SREBF1: variants seen among roughly 807,000 people sequenced by gnomAD.
The protein encoded by SREBF1 is sterol regulatory element-binding protein 1.
SREBF1 carries 45 observed loss-of-function variants against 100.1 expected under a neutral mutation model. That is an observed-to-expected ratio of 0.45 (90% confidence interval 0.35 to 0.58). SREBF1 has a LOEUF of 0.58. SREBF1 is among the 20% of genes least tolerant of loss of function. SREBF1 has a pLI of 0.00. For missense variants in SREBF1, 1,324 were observed against 1,539.4 expected (o/e 0.86, Z 2.34); for synonymous variants, 657 against 681.8 (o/e 0.96, Z 0.57).
chr17:17,828,360 G>A (rs759934352), intron 1 of SREBF1, among the ~76,000 whole-genome samples: 2 of 152,202 alleles, frequency 1.3e-5, no homozygotes, highest in East Asian at 1.9e-4. Context: ...CATACTGACC[G>A]TCTGACCCTA....
chr17:17,812,262 C>T lies in SREBF1; in HGVS notation c.*360G>A, dbSNP rs911495174. 2.4e-6 allele frequency: 1 copy of T among 417,044 alleles called. No homozygotes were observed. The highest frequency in any genetic ancestry group is 4.4e-6 in the Non-Finnish European group (1 of 229,020). 25.8% of individuals were successfully genotyped at this position (417,044 alleles called of 1,614,324 possible). ...CTGGGGCAGAGCCCTGCTTGCAGTC[C>T]GGGAAAGCCAAGTTGGCTTCCGTCA... On this transcript the variant is annotated 3_prime_UTR_variant, in exon 19 of 19. Coordinates refer to ENST00000261646, the MANE Select transcript of SREBF1 (RefSeq NM_004176.5).
At position 17,812,849 on chromosome 17, in the gene SREBF1, C is replaced by T. The variant is rs1025923560; in HGVS notation, c.3217G>A (p.Ala1073Thr). 8 of 1,473,362 alleles carry T rather than the reference C, an allele frequency of 5.4e-6. No individual in the cohort carries two copies. Among genetic ancestry groups the T allele is most frequent in the Non-Finnish European group, 7.1e-6 (8 of 1,121,026 alleles). 91.3% of individuals were successfully genotyped at this position (1,473,362 alleles called of 1,614,324 possible). ...GGCCGCGGCTCCAGCTCCGCCACCGCGCCTGCGCACACGAGGATGTGTCAG... is the reference window on the plus strand; with the variant it reads ...GGCCGCGGCTCCAGCTCCGCCACCGTGCCTGCGCACACGAGGATGTGTCAG... Reference protein sequence around the residue: ...RRAGPGGKGGAVAELEPRPTR... With the variant: ...RRAGPGGKGGTVAELEPRPTR... The change falls in exon 19 of 19, where the codon GCG becomes ACG. Residue 1073 changes from alanine to threonine, a missense_variant and splice_region_variant. Transcript: ENST00000261646.
intron 16 of SREBF1, 66 bp downstream of exon 16, chr17:17,814,179 G>A: frequency 6.5e-7 from 1 of 1,527,580 alleles, no homozygotes; most frequent in Non-Finnish European, 8.8e-7. Flanking sequence ...GGGGGCTGGG[G>A]AGAGGAACCA....
chr17:17,819,505 CCCCCTCCCCAA>C (rs1214162041), intron 3 of SREBF1, 22 bp downstream of exon 3: 1 of 1,613,174 alleles, frequency 6.2e-7, no homozygotes, highest in Non-Finnish European at 8.5e-7. Context: ...GCTGGGGCTG[CCCCCTCCCCAA>C]CCCCTGGCCA....
At chr17:17,818,684 G>A (rs2033843105) in intron 5 of SREBF1, 1 of 546,590 alleles carries the variant, frequency 1.8e-6, no homozygotes. Context: ...TGCTTTCTCT[G>A]CAACGAGCCA....
intron 1 of SREBF1, among the ~76,000 whole-genome samples, chr17:17,825,210 G>C (rs968873635): frequency 1.3e-5 from 2 of 152,196 alleles, no homozygotes; most frequent in Non-Finnish European, 2.9e-5. Flanking sequence ...GGGCCACTGT[G>C]AACAGTCAAG....
intron 5 of SREBF1, 148 bp from the exon 6 acceptor site, chr17:17,818,522 T>G: frequency 1.5e-6 from 1 of 666,262 alleles, no homozygotes; most frequent in Non-Finnish European, 2.7e-6. Context: ...ACCTGAACCG[T>G]TCCTCGCCTA....
chr17:17,816,096 G>A, intron 11 of SREBF1, 68 bp from the exon 12 acceptor site: 1 of 1,505,518 alleles, frequency 6.6e-7, no homozygotes, highest in Non-Finnish European at 8.9e-7. Context: ...CCGAGTCCCA[G>A]CTTGGCCTGG....
chr17:17,820,282 G>C lies in SREBF1; in HGVS notation c.331C>G (p.Pro111Ala). 1.2e-6 allele frequency: 2 copies of C among 1,613,906 alleles called. No homozygotes were observed. Among genetic ancestry groups the C allele is most frequent in the Non-Finnish European group, 1.7e-6 (2 of 1,179,994 alleles). Reference protein sequence around the residue: ...QPAPTPLKMYPSMPAFSPGPG... With the variant: ...QPAPTPLKMYASMPAFSPGPG... Reference sequence around the variant, plus strand: ...CCAGGGGAGAAAGCGGGCATGGACGGGTACATCTTCAATGGAGTGGGTGCA... The same window carrying C: ...CCAGGGGAGAAAGCGGGCATGGACGCGTACATCTTCAATGGAGTGGGTGCA... Residue 111 changes from proline to alanine, a missense_variant, in exon 2 of 19, where the codon CCG (proline) becomes GCG (alanine). Coordinates refer to ENST00000261646, the MANE Select transcript of SREBF1 (RefSeq NM_004176.5).
intron 1 of SREBF1, chr17:17,823,678 C>T: frequency 1.7e-6 from 2 of 1,146,926 alleles, no homozygotes; most frequent in Non-Finnish European, 2.4e-6. Flanking sequence ...GCCCCGCCCC[C>T]AGCCCCGCCC....
In SREBF1 at chr17:17,817,004, A is replaced by G; in HGVS notation, c.1739T>C (p.Val580Ala). 6.2e-7 allele frequency: 1 copy of G among 1,613,082 alleles called. No individual in the cohort carries two copies. Among genetic ancestry groups the G allele is most frequent in the South Asian group, 1.1e-5 (1 of 91,086 alleles). Reference sequence around the variant, plus strand: ...CTGCTTGCGATGCCTCCAGAAGTACACGGCGGGGCCTGAGTGGGGCCGTGT... The same window carrying G: ...CTGCTTGCGATGCCTCCAGAAGTACGCGGCGGGGCCTGAGTGGGGCCGTGT... ...PVTRPHSGPA[V>A]YFWRHRKQAD... Residue 580 changes from valine (V) to alanine (A), a missense_variant, in exon 9 of 19, where the codon GTG (valine) becomes GCG (alanine). By Grantham distance (64) the Val-to-Ala change is moderately conservative. Coordinates refer to ENST00000261646, the MANE Select transcript of SREBF1 (RefSeq NM_004176.5). This position sits in a 1 kb window ranked among gnomAD's most constrained non-coding sequence, Gnocchi z 6.6.
chr17:17,818,005 T>G, intron 6 of SREBF1, 89 bp from the exon 7 acceptor site: 1 of 1,358,046 alleles, frequency 7.4e-7, no homozygotes, highest in Middle Eastern at 1.8e-4. Context: ...TAGGGACTAC[T>G]GTAGCTCCTA....
chr17:17,819,429 T>G lies in SREBF1; in HGVS notation c.737A>C (p.Lys246Thr). 6.2e-7 allele frequency: 1 copy of G among 1,613,850 alleles called. No individual in the cohort carries two copies. Among genetic ancestry groups the G allele is most frequent in the South Asian group, 1.1e-5 (1 of 91,092 alleles). Reference sequence around the variant, plus strand: ...GGCTGTCAGAAGCAGCGAGTCTGCCTTGATGAAGTGGGGCTGCAGCAGGAC... The same window carrying G: ...GGCTGTCAGAAGCAGCGAGTCTGCCGTGATGAAGTGGGGCTGCAGCAGGAC... Reference protein sequence around the residue: ...VPVLLQPHFIKADSLLLTAMK... With the variant: ...VPVLLQPHFITADSLLLTAMK... Residue 246 changes from lysine (K) to threonine (T), a missense_variant, in exon 4 of 19, where the codon AAG becomes ACG. Coordinates refer to ENST00000261646, the MANE Select transcript of SREBF1 (RefSeq NM_004176.5).
rs1598105409 is a variant in SREBF1 at position 17,811,965 on chromosome 17, T to C, written c.*657A>G. On this transcript the variant is annotated 3_prime_UTR_variant, in exon 19 of 19. Transcript: ENST00000261646. The stretch of plus-strand genomic sequence containing the variant: ...ACATCGGGAAGAGCTAAGTTAAAAG[T>C]TGTGTACCTTGTGGCCGGAGGGGGA... 2.2e-6 allele frequency: 1 copy of C among 448,352 alleles called. No individual in the cohort carries two copies. The highest frequency in any genetic ancestry group is 1.6e-5 in the South Asian group (1 of 63,136). 27.8% of individuals were successfully genotyped at this position (448,352 alleles called of 1,614,324 possible).
chr17:17,817,521 G>GA lies in SREBF1; in HGVS notation c.1405-65dup, dbSNP rs1249366208. 4 of 1,526,754 alleles carry GA rather than the reference G, an allele frequency of 2.6e-6. No individual in the cohort carries two copies. The East Asian group carries it at 9.7e-5, about 37-fold the overall frequency. The allele number at this position is 1,526,754 out of a possible 1,614,324, so 94.6% of individuals were successfully genotyped here. ...GGGACCCCAGAGAGCATGGGGCTGG[G>GA]AAGGGGGGGGTCAGGATTCTGCCCA... On this transcript the variant is annotated intron_variant, in intron 7 of 18. Transcript: ENST00000261646. The surrounding 1 kb of genome is among the most constrained non-coding windows in gnomAD (Gnocchi z 6.6).
At position 17,820,116 on chromosome 17, in the gene SREBF1, G is replaced by T; in HGVS notation, c.497C>A (p.Pro166His). The T allele has an allele frequency of 6.2e-7, 1 of 1,612,544 alleles. No homozygotes were observed. The highest frequency in any genetic ancestry group is 8.5e-7 in the Non-Finnish European group (1 of 1,179,688). ...QFSSTPVLGY[P>H]SPPGGFSTGS... is the part of the protein sequence containing the mutation. ...TGTAGAGAAGCCTCCCGGAGGGCTG[G>T]GGTAGCCTAACACAGGGGTGGAGCT... Residue 166 changes from proline to histidine, a missense_variant, in exon 2 of 19, where the codon CCC (proline) becomes CAC (histidine). Physicochemically the swap from Pro to His is moderately conservative, Grantham distance 77. Transcript: ENST00000261646.
At chr17:17,830,656 C>T (rs1280415896) in intron 1 of SREBF1, among the ~76,000 whole-genome samples, 1 of 152,180 alleles carries the variant, frequency 6.6e-6, no homozygotes, top group Non-Finnish European at 1.5e-5. Context: ...AAACAGGGTT[C>T]GGGGTAGGCC....
intron 1 of SREBF1, chr17:17,823,649 GGC>G (rs1567981987): frequency 6.7e-7 from 1 of 1,495,790 alleles, no homozygotes; most frequent in Non-Finnish European, 9.1e-7. Context: ...TGAGCGCTGC[GGC>G]GCGCCCGCCC....
In SREBF1 at chr17:17,824,899, C is replaced by T. The variant is rs1211590311; in HGVS notation, c.92-4378G>A. On this transcript the variant is annotated intron_variant, in intron 1 of 18. Transcript: ENST00000261646. The surrounding 1 kb of genome is among the most constrained non-coding windows in gnomAD (Gnocchi z 4.2). ...CCGTCCAGCCCAGGCCCTTATTTCC[C>T]AGCTTTGGGAGGTTCAAGGACAACA... is the stretch of plus-strand genomic sequence containing the variant. 1.3e-5 allele frequency among the ~76,000 whole-genome samples: 2 copies of T among 152,186 alleles called. No individual in the cohort carries two copies. Among genetic ancestry groups the T allele is most frequent in the East Asian group, 3.9e-4 (2 of 5,186 alleles).
Sources: gnomAD v4.1 joint callset for allele counts (sites outside exome capture counted in the v4.1 genomes callset) on GRCh38, gnomAD v4.1.1 for gene constraint, Gnocchi (gnomAD v3.1) non-coding constraint, MANE v1.5 for transcripts, NCBI Gene and HGNC (gene_info 2026-07-23, HGNC 2026-07-21) for gene names.